DNM3: variants seen among roughly 807,000 people sequenced by gnomAD.
DNM3 encodes the protein dynamin 3, also known as dynamin-3.
Under a neutral mutation model 101.6 loss-of-function variants are expected in DNM3, and 47 were observed. That is an observed-to-expected ratio of 0.46 (90% CI 0.37 to 0.59). The LOEUF is 0.59. DNM3 is among the 20% of genes least tolerant of loss of function. The probability of loss-of-function intolerance (pLI) is 0.00; values close to 1 mark genes in which losing one functional copy is unlikely to be tolerated. For synonymous variants in DNM3, 385 were observed against 387.9 expected, an observed-to-expected ratio of 0.99 and a Z score of 0.09; for missense variants, 849 against 1,085.7, an observed-to-expected ratio of 0.78 and a Z score of 3.06.
chr1:172,179,588 G>A (rs987378459), intron 14 of DNM3, among the ~76,000 whole-genome samples: 1 of 151,582 alleles, frequency 6.6e-6, no homozygotes, highest in Non-Finnish European at 1.5e-5. Flanking sequence ...TAAGAAAAAT[G>A]TATACAGGCA....
chr1:171,880,198 A>C (rs2036141837), intron 1 of DNM3, among the ~76,000 whole-genome samples: 1 of 152,204 alleles, frequency 6.6e-6, no homozygotes, highest in Non-Finnish European at 1.5e-5. Context: ...AATCTGGCTG[A>C]TTGAGTAAGG....
chr1:172,029,200 G>A (rs1428710416), intron 4 of DNM3, among the ~76,000 whole-genome samples: 2 of 152,134 alleles, frequency 1.3e-5, no homozygotes, highest in African/African-American at 4.8e-5. Context: ...ACATCAAACA[G>A]CTTATCCACC....
Position 172,041,992 on chromosome 1 carries a change from C to G in DNM3, c.993-17C>G. 6.4e-7 allele frequency: 1 copy of G among 1,565,876 alleles called. No individual in the cohort carries two copies. Among genetic ancestry groups the G allele is most frequent in the Non-Finnish European group, 8.6e-7 (1 of 1,162,100 alleles). ...TTGTAACTTTGACTTGAATCTATTT[C>G]TCTTTAACAATTACAGGATGGTTCA... On this transcript the variant is annotated splice_polypyrimidine_tract_variant and intron_variant, in intron 7 of 20. Coordinates refer to ENST00000627582, the MANE Select transcript of DNM3 (RefSeq NM_015569.5).
intron 14 of DNM3, among the ~76,000 whole-genome samples, chr1:172,200,442 G>T (rs957312097): frequency 6.6e-6 from 1 of 152,094 alleles, no homozygotes; most frequent in African/African-American, 2.4e-5. Flanking sequence ...GAATTTGACT[G>T]TTGGCCTCTC....
intron 11 of DNM3, among the ~76,000 whole-genome samples, chr1:172,080,164 C>T (rs777060271): frequency 4.6e-5 from 7 of 152,140 alleles, no homozygotes; most frequent in South Asian, 2.1e-4. Flanking sequence ...CTGGGAGATC[C>T]GTCATTCTCT....
intron 1 of DNM3, among the ~76,000 whole-genome samples, chr1:171,866,870 G>T (rs1325323783): frequency 6.6e-6 from 1 of 152,084 alleles, no homozygotes; most frequent in Non-Finnish European, 1.5e-5. Flanking sequence ...TTTTTGCAAG[G>T]TTGTGTACCT....
chr1:172,395,197 C>T (rs574919949), intron 20 of DNM3, among the ~76,000 whole-genome samples: 1 of 138,046 alleles, frequency 7.2e-6, no homozygotes, highest in South Asian at 2.3e-4. Context: ...TTTTTTGAGG[C>T]GGAGTCTCTA....
At position 172,291,489 on chromosome 1, in the gene DNM3, A is replaced by C. The variant is rs141915877; in HGVS notation, c.1770-17239A>C. Reference sequence around the variant, plus strand: ...AGATAAAGGCAGAATCTGTGGTTGCAAATGTAGGTAGTCTCATGGATTTGT... The same window carrying C: ...AGATAAAGGCAGAATCTGTGGTTGCCAATGTAGGTAGTCTCATGGATTTGT... On this transcript the variant is annotated intron_variant, in intron 15 of 20. Coordinates refer to ENST00000627582, the MANE Select transcript of DNM3 (RefSeq NM_015569.5). Among the ~76,000 whole-genome samples, 5 of 152,328 alleles carry C rather than the reference A, an allele frequency of 3.3e-5. No homozygotes were observed. In the East Asian group the frequency reaches 9.7e-4, roughly 29 times the overall value.
chr1:171,883,533 G>C (rs1238387684), intron 1 of DNM3, among the ~76,000 whole-genome samples: 1 of 150,974 alleles, frequency 6.6e-6, no homozygotes, highest in African/African-American at 2.4e-5. Flanking sequence ...GTGTAATAGC[G>C]CGATCTCGGC....
intron 14 of DNM3, among the ~76,000 whole-genome samples, chr1:172,141,454 G>C (rs1394955819): frequency 6.6e-6 from 1 of 152,006 alleles, no homozygotes; most frequent in African/African-American, 2.4e-5. Flanking sequence ...GCAGAGTAAA[G>C]TGCATTGTTT....
At chr1:172,194,688 CT>C (rs1003393626) in intron 14 of DNM3, among the ~76,000 whole-genome samples, 4 of 151,350 alleles carry the variant, frequency 2.6e-5, no homozygotes, top group East Asian at 3.9e-4. Context: ...GCAACCCCTA[CT>C]TTTTTTTTAT....
intron 9 of DNM3, among the ~76,000 whole-genome samples, chr1:172,044,695 G>T (rs2049638552): frequency 6.6e-6 from 1 of 152,086 alleles, no homozygotes; most frequent in African/African-American, 2.4e-5. Flanking sequence ...GCACAATAGG[G>T]GATTCGCAGA....
chr1:171,966,422 C>T (rs980931246), intron 2 of DNM3, among the ~76,000 whole-genome samples: 4 of 152,240 alleles, frequency 2.6e-5, no homozygotes, highest in African/African-American at 9.6e-5. Context: ...ATCTCCACTT[C>T]TCCTGATCCT....
In DNM3 at chr1:172,411,616, A is replaced by G. The variant is rs1349966610; in HGVS notation, c.*3775A>G. ...AAATTTGCTGAAAATATAAGAGAGA[A>G]GCTATCTAATACCTTGGAGGTAGGT... On this transcript the variant is annotated 3_prime_UTR_variant, in exon 21 of 21. Coordinates refer to ENST00000627582, the MANE Select transcript of DNM3 (RefSeq NM_015569.5). The G allele has an allele frequency of 8.1e-6, 8 of 985,112 alleles. No homozygotes were observed. The African/African-American group carries it at 1.2e-4, about 15-fold the overall frequency. The allele number at this position is 985,112 out of a possible 1,614,324, so 61.0% of individuals were successfully genotyped here.
At chr1:172,051,687 G>C (rs778883147) in intron 10 of DNM3, among the ~76,000 whole-genome samples, 2 of 152,154 alleles carry the variant, frequency 1.3e-5, no homozygotes, top group African/African-American at 2.4e-5. Flanking sequence ...ACAGATCTAG[G>C]TTGGAAAATG....
chr1:171,978,804 G>A (rs1198849132), intron 2 of DNM3, among the ~76,000 whole-genome samples: 6 of 152,046 alleles, frequency 3.9e-5, no homozygotes, highest in Non-Finnish European at 7.4e-5. Flanking sequence ...GCAGTGAGAC[G>A]GTGTTTGGAA....
chr1:172,381,017 C>G (rs1263021688), intron 18 of DNM3: 2 of 150,076 alleles, frequency 1.3e-5, no homozygotes, highest in Non-Finnish European at 3.0e-5. Context: ...TATTGCAAAT[C>G]TATCCTACTT....
Position 171,931,683 on chromosome 1 carries a change from C to G in DNM3, c.235+9862C>G, listed in dbSNP as rs147236365. Among the ~76,000 whole-genome samples, 6 of 152,278 alleles carry G rather than the reference C, an allele frequency of 3.9e-5. No individual in the cohort carries two copies. In the East Asian group the frequency reaches 9.6e-4, roughly 24 times the overall value. On this transcript the variant is annotated intron_variant, in intron 2 of 20. Coordinates refer to ENST00000627582, the MANE Select transcript of DNM3 (RefSeq NM_015569.5). ...ATCTTATATTACAGTGTGGTAACTA[C>G]TACCATCTATTTCTGAATATCTTTC...
intron 18 of DNM3, 21 bp downstream of exon 18, chr1:172,379,203 T>A (rs1275911170): frequency 3.2e-6 from 5 of 1,575,258 alleles, no homozygotes; most frequent in African/African-American, 2.7e-5. Flanking sequence ...ATAAACTACC[T>A]CCATTTAACT....
Sources: gnomAD v4.1 joint callset for allele counts (sites outside exome capture counted in the v4.1 genomes callset) on GRCh38, gnomAD v4.1.1 for gene constraint, MANE v1.5 for transcripts, NCBI Gene and HGNC (gene_info 2026-07-23, HGNC 2026-07-21) for gene names.